The following DPP6 variants were observed in gnomAD, a reference collection of about 807,000 sequenced individuals.
DPP6 encodes A-type potassium channel modulatory protein DPP6.
Under a neutral mutation model 122.6 loss-of-function variants are expected in DPP6, and 69 were observed. The observed-to-expected ratio is 0.56, with a 90% CI of 0.46 to 0.69. DPP6 has a LOEUF of 0.69. Among genes scored for constraint, DPP6 ranks in the 30% least tolerant of loss-of-function variants. DPP6 has a pLI of 0.00. For missense variants in DPP6, 928 were observed against 1,116.9 expected (o/e 0.83, Z 2.41); for synonymous variants, 418 against 433.1 (o/e 0.97, Z 0.43).
chr7:154,645,186 C>T (rs112466743), intron 6 of DPP6, among the ~76,000 whole-genome samples: 21,252 of 151,460 alleles, frequency 0.14, 1,678 homozygotes, highest in African/African-American at 0.22. Flanking sequence ...CCTCAGCCTC[C>T]GGAGTAGTAG....
At chr7:154,023,670 CAG>C (rs1315530713) in intron 1 of DPP6, among the ~76,000 whole-genome samples, 1 of 151,852 alleles carries the variant, frequency 6.6e-6, no homozygotes, top group Non-Finnish European at 1.5e-5. Context: ...TTAATACAGA[CAG>C]GGTTTCACCA....
chr7:154,090,890 G>A (rs201942376), intron 1 of DPP6, among the ~76,000 whole-genome samples: 62,279 of 147,078 alleles, frequency 0.42, 13,953 homozygotes, highest in East Asian at 0.51. Flanking sequence ...GGAGGCCGAG[G>A]CGGGCGGATC....
intron 1 of DPP6, among the ~76,000 whole-genome samples, chr7:154,373,983 T>A (rs1336042386): frequency 1.3e-5 from 2 of 152,224 alleles, no homozygotes; most frequent in Non-Finnish European, 2.9e-5. Flanking sequence ...TCCTACCCTT[T>A]TAAGGTGGTG....
chr7:153,786,746 A>G, the DPP6 span, among the ~76,000 whole-genome samples: 1 of 139,520 alleles, frequency 7.2e-6, no homozygotes, highest in African/African-American at 2.6e-5. Context: ...CTCAGAAAAA[A>G]AAAAAAAAAA....
chr7:153,770,064 A>G, the DPP6 span, among the ~76,000 whole-genome samples: 5 of 152,170 alleles, frequency 3.3e-5, no homozygotes, highest in East Asian at 1.9e-4. Flanking sequence ...TTTCTCAAAG[A>G]TGCTGCCTGA....
chr7:154,034,391 C>T (rs189198067), intron 1 of DPP6, among the ~76,000 whole-genome samples: 45 of 152,274 alleles, frequency 3.0e-4, no homozygotes, highest in Admixed American at 2.9e-3. Context: ...TGTGGAGCCT[C>T]TGATGCTCAT....
chr7:154,327,811 T>C (rs867273888), intron 1 of DPP6, among the ~76,000 whole-genome samples: 4 of 152,230 alleles, frequency 2.6e-5, no homozygotes, highest in African/African-American at 2.4e-5. Flanking sequence ...GGACATGTGA[T>C]TTGGGTTTCC....
intron 1 of DPP6, among the ~76,000 whole-genome samples, chr7:154,313,712 T>TATATACGC (rs1554515587): frequency 4.0e-5 from 1 of 24,914 alleles, no homozygotes; most frequent in African/African-American, 1.1e-4. Flanking sequence ...TATATATATA[T>TATATACGC]ATACACACAC....
chr7:154,139,074 G>A (rs1563238772), intron 1 of DPP6, among the ~76,000 whole-genome samples: 2 of 151,628 alleles, frequency 1.3e-5, no homozygotes, highest in East Asian at 1.9e-4. Context: ...TACAAGTCAG[G>A]GTTCTCCAGA....
At chr7:154,765,226 G>T (rs763948534) in intron 8 of DPP6, among the ~76,000 whole-genome samples, 4 of 152,158 alleles carry the variant, frequency 2.6e-5, no homozygotes, top group Non-Finnish European at 5.9e-5. Context: ...ACCAGAATGT[G>T]CACCAAACTC....
chr7:154,331,290 G>A (rs1808912708), intron 1 of DPP6, among the ~76,000 whole-genome samples: 1 of 152,192 alleles, frequency 6.6e-6, no homozygotes, highest in Admixed American at 6.5e-5. Context: ...GTCTCTGTGT[G>A]GCTTTTTGTG....
intron 5 of DPP6, among the ~76,000 whole-genome samples, chr7:154,574,626 G>GGT (rs1206669719): frequency 7.8e-6 from 1 of 128,244 alleles, no homozygotes; most frequent in African/African-American, 2.9e-5. Flanking sequence ...GTATGTGTGT[G>GGT]GTGTGTGTGT....
the DPP6 span, among the ~76,000 whole-genome samples, chr7:153,764,593 A>G: frequency 2.0e-5 from 3 of 151,872 alleles, no homozygotes; most frequent in South Asian, 4.2e-4. Flanking sequence ...ACTTTTTCTC[A>G]TGGGGAGCTT....
At chr7:154,286,851 G>T (rs1804887510) in intron 1 of DPP6, among the ~76,000 whole-genome samples, 1 of 151,452 alleles carries the variant, frequency 6.6e-6, no homozygotes, top group Non-Finnish European at 1.5e-5. Context: ...TGTCACCCAG[G>T]CTGAAGTGCA....
intron 1 of DPP6, among the ~76,000 whole-genome samples, chr7:154,003,761 A>G (rs971668265): frequency 6.6e-6 from 1 of 152,022 alleles, no homozygotes; most frequent in African/African-American, 2.4e-5. Context: ...GGGCTGCTCC[A>G]TGCATCTCTC....
intron 1 of DPP6, among the ~76,000 whole-genome samples, chr7:154,028,570 A>G (rs1799066705): frequency 6.6e-6 from 1 of 151,528 alleles, no homozygotes. Context: ...GCTGACACGC[A>G]GGGACTTGCC....
intron 1 of DPP6, among the ~76,000 whole-genome samples, chr7:154,279,546 G>T (rs1804368888): frequency 6.6e-6 from 1 of 152,214 alleles, no homozygotes. Flanking sequence ...CGCCATGCCT[G>T]TGGGCCTTTC....
At chr7:154,224,347 CAATAA>C (rs777280275) in intron 1 of DPP6, among the ~76,000 whole-genome samples, 13 of 148,524 alleles carry the variant, frequency 8.8e-5, no homozygotes, top group Non-Finnish European at 1.3e-4. Flanking sequence ...TCAAATAATA[CAATAA>C]AATAAAATCC....
At chr7:154,416,040 A>T (rs1225057078) in intron 1 of DPP6, among the ~76,000 whole-genome samples, 1 of 152,046 alleles carries the variant, frequency 6.6e-6, no homozygotes, top group East Asian at 1.9e-4. Context: ...GTCAACTGAG[A>T]TCCAAAAGTA....
Sources: allele counts gnomAD v4.1 joint callset (sites outside exome capture counted in the v4.1 genomes callset), GRCh38; gene constraint gnomAD v4.1.1; transcripts MANE v1.5; gene names NCBI Gene and HGNC (gene_info 2026-07-23, HGNC 2026-07-21).